Variants in TMEM117 observed in about 807,000 individuals in gnomAD.
TMEM117 encodes the protein transmembrane protein 117.
TMEM117 carries 27 observed loss-of-function variants against 52.4 expected under a neutral mutation model. That is an observed-to-expected ratio of 0.51 (90% CI 0.38 to 0.71). The LOEUF (loss-of-function observed/expected upper bound fraction) is 0.71. Among genes scored for constraint, TMEM117 ranks in the 30% least tolerant of loss-of-function variants. The pLI is 0.00. For synonymous variants in TMEM117, 215 were observed against 206.3 expected, an observed-to-expected ratio of 1.04 and a Z score of -0.36; for missense variants, 556 against 630.5, an observed-to-expected ratio of 0.88 and a Z score of 1.26.
intron 6 of TMEM117, among the ~76,000 whole-genome samples, chr12:44,333,349 A>G (rs760066777): frequency 1.2e-4 from 18 of 152,170 alleles, no homozygotes; most frequent in African/African-American, 1.4e-4. Flanking sequence ...TTGTGATAGA[A>G]GTAGATATTA....
intron 2 of TMEM117, among the ~76,000 whole-genome samples, chr12:43,894,529 T>C (rs1944165025): frequency 6.6e-6 from 1 of 152,096 alleles, no homozygotes; most frequent in African/African-American, 2.4e-5. Flanking sequence ...GTACTAGTTA[T>C]AGTTCCTCCT....
chr12:43,885,227 G>T (rs1943970148), intron 2 of TMEM117, among the ~76,000 whole-genome samples: 1 of 152,164 alleles, frequency 6.6e-6, no homozygotes, highest in African/African-American at 2.4e-5. Flanking sequence ...ATTCAGCTTT[G>T]TGTGTATTGG....
At chr12:44,224,676 A>C (rs554831498) in intron 5 of TMEM117, among the ~76,000 whole-genome samples, 46 of 152,238 alleles carry the variant, frequency 3.0e-4, no homozygotes, top group African/African-American at 1.0e-3. Flanking sequence ...CTCTATCGCC[A>C]TGTAAGTGTG....
intron 4 of TMEM117, among the ~76,000 whole-genome samples, chr12:44,156,378 G>T (rs947052181): frequency 2.0e-5 from 3 of 152,100 alleles, no homozygotes; most frequent in Admixed American, 2.0e-4. Context: ...AGGGAACAGA[G>T]CTTATTGTTT....
intron 5 of TMEM117, among the ~76,000 whole-genome samples, chr12:44,299,343 G>A (rs1950809226): frequency 6.6e-6 from 1 of 152,114 alleles, no homozygotes; most frequent in Non-Finnish European, 1.5e-5. Context: ...GTGTTGGACA[G>A]GCTTGTCTCG....
intron 6 of TMEM117, among the ~76,000 whole-genome samples, chr12:44,311,242 C>T (rs1232168403): frequency 2.0e-5 from 3 of 151,782 alleles, no homozygotes; most frequent in Non-Finnish European, 2.9e-5. Context: ...TGAGAGATTA[C>T]CGTTTGTTCA....
At chr12:43,960,392 G>A (rs192130477) in intron 3 of TMEM117, among the ~76,000 whole-genome samples, 25 of 152,248 alleles carry the variant, frequency 1.6e-4, no homozygotes, top group Admixed American at 1.6e-3. Flanking sequence ...AGAGGAAACA[G>A]CAGTAGGGCA....
the TMEM117 span, among the ~76,000 whole-genome samples, chr12:43,811,548 T>C: frequency 6.6e-6 from 1 of 152,228 alleles, no homozygotes; most frequent in South Asian, 2.1e-4. Flanking sequence ...CCAAATATAT[T>C]TTGTAAGTGA....
chr12:43,826,939 T>C, the TMEM117 span, among the ~76,000 whole-genome samples: 1 of 152,124 alleles, frequency 6.6e-6, no homozygotes, highest in Admixed American at 6.6e-5. Context: ...CTATGGTTGG[T>C]TGACGATGCA....
intron 2 of TMEM117, among the ~76,000 whole-genome samples, chr12:43,870,243 C>G (rs529358648): frequency 2.6e-5 from 4 of 151,010 alleles, no homozygotes; most frequent in African/African-American, 9.7e-5. Context: ...AATAGTGCTG[C>G]AGTGTGCATG....
intron 3 of TMEM117, among the ~76,000 whole-genome samples, chr12:43,960,886 A>G (rs950889913): frequency 3.9e-5 from 6 of 152,132 alleles, no homozygotes; most frequent in African/African-American, 1.4e-4. Context: ...CATCATCATT[A>G]ATCTGGGGGA....
chr12:44,160,981 T>C (rs976410433), intron 4 of TMEM117, among the ~76,000 whole-genome samples: 1 of 152,204 alleles, frequency 6.6e-6, no homozygotes, highest in African/African-American at 2.4e-5. Context: ...AGGTATATTA[T>C]GATTATTTCT....
chr12:44,341,003 G>A lies in TMEM117; in HGVS notation c.769-35592G>A, dbSNP rs114775332. Among the ~76,000 whole-genome samples the A allele has an allele frequency of 4.6e-5, 7 of 151,800 alleles. No homozygotes were observed. The South Asian group carries it at 1.5e-3, about 32-fold the overall frequency. ...CTATCATTCCATTTTCTGTGTCCAA[G>A]TGTACACATTTTTTTAGACAGGATT... On this transcript the variant is annotated intron_variant, in intron 6 of 7. Transcript: ENST00000266534.
At chr12:44,019,331 C>T (rs932913109) in intron 3 of TMEM117, among the ~76,000 whole-genome samples, 3 of 151,954 alleles carry the variant, frequency 2.0e-5, no homozygotes, top group Non-Finnish European at 2.9e-5. Flanking sequence ...AATTCTCACT[C>T]CCCAGGAGAC....
intron 5 of TMEM117, among the ~76,000 whole-genome samples, chr12:44,241,202 T>C (rs1950057295): frequency 6.6e-6 from 1 of 151,526 alleles, no homozygotes; most frequent in Admixed American, 6.6e-5. Flanking sequence ...TTAGATGTAC[T>C]ATTTTTTATT....
At chr12:43,811,112 C>G in the TMEM117 span, among the ~76,000 whole-genome samples, 1 of 152,152 alleles carries the variant, frequency 6.6e-6, no homozygotes, top group South Asian at 2.1e-4. Flanking sequence ...TTTGATGTGG[C>G]AAGGTGCTTA....
At chr12:43,923,103 A>G (rs539069130) in intron 2 of TMEM117, among the ~76,000 whole-genome samples, 1 of 152,278 alleles carries the variant, frequency 6.6e-6, no homozygotes, top group South Asian at 2.1e-4. Flanking sequence ...TGACTTATAT[A>G]TGCCAAATTT....
At chr12:44,250,463 T>C (rs1016786739) in intron 5 of TMEM117, among the ~76,000 whole-genome samples, 1 of 152,118 alleles carries the variant, frequency 6.6e-6, no homozygotes, top group African/African-American at 2.4e-5. Flanking sequence ...AGAAATACCA[T>C]TTGACCCAGC....
the TMEM117 span, among the ~76,000 whole-genome samples, chr12:43,812,291 G>A: frequency 5.3e-5 from 8 of 152,152 alleles, no homozygotes; most frequent in Non-Finnish European, 1.2e-4. Context: ...AAACCCTCGG[G>A]AACAATTTCT....
Sources: gnomAD v4.1 joint callset for allele counts (sites outside exome capture counted in the v4.1 genomes callset) on GRCh38, gnomAD v4.1.1 for gene constraint, MANE v1.5 for transcripts, NCBI Gene and HGNC (gene_info 2026-07-23, HGNC 2026-07-21) for gene names.